The following DPP6 variants were observed in gnomAD, a reference collection of about 807,000 sequenced individuals.
The protein encoded by DPP6 is dipeptidyl peptidase like 6, also known as A-type potassium channel modulatory protein DPP6.
DPP6 carries 69 observed loss-of-function variants against 122.6 expected under a neutral mutation model. That is an observed-to-expected ratio of 0.56 (90% CI 0.46 to 0.69). DPP6 has a LOEUF of 0.69. Among genes scored for constraint, DPP6 ranks in the 30% least tolerant of loss-of-function variants. DPP6 has a pLI of 0.00. For synonymous variants in DPP6, 418 were observed against 433.1 expected (o/e 0.97, Z 0.43); for missense variants, 928 against 1,116.9 (o/e 0.83, Z 2.41).
At chr7:154,525,956 A>G (rs1322234982) in intron 3 of DPP6, among the ~76,000 whole-genome samples, 1 of 152,156 alleles carries the variant, frequency 6.6e-6, no homozygotes, top group African/African-American at 2.4e-5. Flanking sequence ...TCATAATCCC[A>G]AAGAAAAGGA....
intron 9 of DPP6, 61 bp downstream of exon 9, chr7:154,769,632 C>T: frequency 6.8e-7 from 1 of 1,468,914 alleles, no homozygotes; most frequent in Non-Finnish European, 9.1e-7. Context: ...CCCAACCCTG[C>T]TCACTCAGTG....
the DPP6 span, among the ~76,000 whole-genome samples, chr7:153,806,933 T>C: frequency 3.3e-5 from 5 of 151,956 alleles, no homozygotes; most frequent in African/African-American, 1.2e-4. Context: ...AGGGATTAGA[T>C]TTGCAACTAT....
intron 1 of DPP6, among the ~76,000 whole-genome samples, chr7:154,208,654 T>C (rs1207722290): frequency 6.6e-6 from 1 of 152,184 alleles, no homozygotes; most frequent in African/African-American, 2.4e-5. Flanking sequence ...TTGGCAATTG[T>C]GTGTTGGAAA....
At position 154,446,309 on chromosome 7, in the gene DPP6, G is replaced by T. The variant is rs376122301; in HGVS notation, c.339G>T (p.Ser113=). 8.7e-6 allele frequency: 14 copies of T among 1,611,488 alleles called. No individual in the cohort carries two copies. The highest frequency in any genetic ancestry group is 1.6e-4 in the Middle Eastern group (1 of 6,074). The change falls in exon 2 of 26, where the codon TCG becomes TCT. Residue 113 remains serine, a synonymous_variant. Coordinates refer to ENST00000377770, the MANE Select transcript of DPP6 (RefSeq NM_130797.4). ...TCATCTGCTCCTTGATCGTCACCTC[G>T]GTCATACTTCTGACACCAGGTACTG... The part of the protein sequence containing the change: ...ILVICSLIVT[S]VILLTPAEDN...
chr7:154,591,912 A>T (rs553592848), intron 5 of DPP6, among the ~76,000 whole-genome samples: 42 of 152,358 alleles, frequency 2.8e-4, no homozygotes, highest in African/African-American at 9.6e-4. Flanking sequence ...GAGCAGGATG[A>T]GGACATGGGT....
rs1445948030 is a variant in DPP6, at chr7:154,424,604, TCTC to T, written c.244-21607_244-21605del. ...AGCCCACGTGGATAATTCAGGATAA[TCTC>T]CTGTTTTCAAGCCAACCAATTAGGA... On this transcript the variant is annotated intron_variant, in intron 1 of 25. Coordinates refer to ENST00000377770, the MANE Select transcript of DPP6 (RefSeq NM_130797.4). Among the ~76,000 whole-genome samples, 15 of 152,134 alleles carry T rather than the reference TCTC, an allele frequency of 9.9e-5. 1 individual carries two copies. The highest frequency in any genetic ancestry group is 9.2e-4 in the Admixed American group (14 of 15,268).
intron 7 of DPP6, among the ~76,000 whole-genome samples, chr7:154,673,665 G>C (rs990573100): frequency 6.6e-6 from 1 of 152,126 alleles, no homozygotes; most frequent in Non-Finnish European, 1.5e-5. Flanking sequence ...AAATAGACTT[G>C]GCCAGATTAA....
chr7:153,924,752 C>T (rs1387866598), intron 1 of DPP6, among the ~76,000 whole-genome samples: 1 of 152,172 alleles, frequency 6.6e-6, no homozygotes, highest in African/African-American at 2.4e-5. Flanking sequence ...GCAGAGGGTT[C>T]CTGAGTCCCA....
chr7:154,776,002 C>A (rs1343355670), intron 10 of DPP6, among the ~76,000 whole-genome samples: 1 of 151,896 alleles, frequency 6.6e-6, no homozygotes, highest in Non-Finnish European at 1.5e-5. Context: ...CCCCGCCGTT[C>A]CCCACTCCTC....
intron 3 of DPP6, among the ~76,000 whole-genome samples, chr7:154,516,771 A>T (rs909634313): frequency 6.6e-6 from 1 of 152,234 alleles, no homozygotes; most frequent in Non-Finnish European, 1.5e-5. Flanking sequence ...TCAAACTTAC[A>T]AAATCTGCTC....
Position 154,829,796 on chromosome 7 carries a change from C to T in DPP6, c.1666+22684C>T, listed in dbSNP as rs73483981. On this transcript the variant is annotated intron_variant, in intron 16 of 25. Coordinates refer to ENST00000377770, the MANE Select transcript of DPP6 (RefSeq NM_130797.4). ...TAGGTAAGATGCTTCCTCCATCCTG[C>T]TCAAAGCCCTCCCACCCTTCACCAC... Among the ~76,000 whole-genome samples, 811 of 152,268 alleles carry T rather than the reference C, an allele frequency of 5.3e-3. 12 individuals carry two copies. Among genetic ancestry groups the T allele is most frequent in the African/African-American group, 0.019 (792 of 41,542 alleles).
chr7:153,965,566 A>T (rs144512803), intron 1 of DPP6, among the ~76,000 whole-genome samples: 41 of 151,966 alleles, frequency 2.7e-4, no homozygotes, highest in Non-Finnish European at 5.6e-4. Context: ...AGGTTGGAGC[A>T]CAGTGGCGCG....
chr7:154,391,227 A>T (rs1360746769), intron 1 of DPP6, among the ~76,000 whole-genome samples: 1 of 152,168 alleles, frequency 6.6e-6, no homozygotes, highest in Admixed American at 6.5e-5. Flanking sequence ...GCCGCATCTT[A>T]GAATTTGCTG....
chr7:154,012,096 A>G (rs548718054), intron 1 of DPP6, among the ~76,000 whole-genome samples: 1 of 152,338 alleles, frequency 6.6e-6, no homozygotes, highest in East Asian at 1.9e-4. Flanking sequence ...TGAGGCTCAG[A>G]AACATTAAGC....
At position 154,141,325 on chromosome 7, in the gene DPP6, C is replaced by T. The variant is rs55914034; in HGVS notation, c.243+88262C>T. 1.1e-4 allele frequency among the ~76,000 whole-genome samples: 16 copies of T among 152,248 alleles called. No homozygotes were observed. In the South Asian group the frequency reaches 1.2e-3, roughly 12 times the overall value. ...TTGCAAAAACACCATATGCACCTTA[C>T]GACTCTTTTCCCCACCCCTCCTCAG... On this transcript the variant is annotated intron_variant, in intron 1 of 25. Coordinates refer to ENST00000377770, the MANE Select transcript of DPP6 (RefSeq NM_130797.4).
intron 1 of DPP6, among the ~76,000 whole-genome samples, chr7:154,381,447 A>G (rs1813599402): frequency 6.6e-6 from 1 of 152,190 alleles, no homozygotes; most frequent in African/African-American, 2.4e-5. Flanking sequence ...CTGTGTGTAC[A>G]TATCGGTATG....
At chr7:154,251,734 G>A (rs946175629) in intron 1 of DPP6, among the ~76,000 whole-genome samples, 1 of 152,226 alleles carries the variant, frequency 6.6e-6, no homozygotes. Context: ...GAAGCATCCA[G>A]CATGGGAGAA....
At position 154,062,163 on chromosome 7, in the gene DPP6, A is replaced by ACC. The variant is rs1208270270; in HGVS notation, c.243+9102_243+9103dup. 1.8e-4 allele frequency among the ~76,000 whole-genome samples: 18 copies of ACC among 98,688 alleles called. 5 individuals carry two copies. The highest frequency in any genetic ancestry group is 3.3e-4 in the Non-Finnish European group (15 of 45,302). 64.7% of individuals were successfully genotyped at this position (98,688 alleles called of 152,430 possible). On this transcript the variant is annotated intron_variant, in intron 1 of 25. Transcript: ENST00000377770. ...GACCCTCATCCCCCACCGGCTTAGGACCCACATCGTTGATCCTAAGATCCT... is the reference window on the plus strand; with the variant it reads ...GACCCTCATCCCCCACCGGCTTAGGACCCCCACATCGTTGATCCTAAGATCCT...
intron 8 of DPP6, among the ~76,000 whole-genome samples, chr7:154,753,309 T>C (rs1038035562): frequency 2.6e-5 from 4 of 152,016 alleles, no homozygotes; most frequent in Non-Finnish European, 5.9e-5. Context: ...CCCTTCCGAA[T>C]CTATTATTTA....
Sources: gnomAD v4.1 joint callset for allele counts (sites outside exome capture counted in the v4.1 genomes callset) on GRCh38, gnomAD v4.1.1 for gene constraint, MANE v1.5 for transcripts, NCBI Gene and HGNC (gene_info 2026-07-23, HGNC 2026-07-21) for gene names.